CDH9: variants seen among roughly 807,000 people sequenced by gnomAD.
CDH9 encodes the protein cadherin-9.
CDH9 carries 28 observed loss-of-function variants against 70.9 expected under a neutral mutation model. That is an observed-to-expected ratio of 0.40 (90% CI 0.29 to 0.54). The LOEUF (loss-of-function observed/expected upper bound fraction) is 0.54, where lower values mean the gene tolerates loss of function less well. Among genes scored for constraint, CDH9 ranks in the 20% least tolerant of loss-of-function variants. The pLI is 0.59. For missense variants in CDH9, 874 were observed against 984.4 expected, an observed-to-expected ratio of 0.89 and a Z score of 1.50; for synonymous variants, 409 against 343.1, an observed-to-expected ratio of 1.19 and a Z score of -2.12.
chr5:26,914,283 T>G (rs1164194042), intron 3 of CDH9, among the ~76,000 whole-genome samples: 4 of 152,024 alleles, frequency 2.6e-5, no homozygotes, highest in Non-Finnish European at 4.4e-5. Flanking sequence ...AAAATAATCA[T>G]CAATAGGAAA....
chr5:27,010,466 T>A (rs1203415242), intron 1 of CDH9, among the ~76,000 whole-genome samples: 1 of 152,134 alleles, frequency 6.6e-6, no homozygotes, highest in African/African-American at 2.4e-5. Context: ...TTACTTTACA[T>A]CTTGCCAATA....
At chr5:26,971,967 G>A (rs1466999662) in intron 2 of CDH9, among the ~76,000 whole-genome samples, 2 of 152,156 alleles carry the variant, frequency 1.3e-5, no homozygotes, top group Non-Finnish European at 2.9e-5. Flanking sequence ...AACTGGGAAA[G>A]TGAAGTGATT....
intron 9 of CDH9, among the ~76,000 whole-genome samples, chr5:26,886,816 G>T (rs902425363): frequency 6.6e-6 from 1 of 152,118 alleles, no homozygotes; most frequent in African/African-American, 2.4e-5. Context: ...CCAACTATGG[G>T]TTGGGCAGAA....
intron 2 of CDH9, among the ~76,000 whole-genome samples, chr5:26,985,369 AG>A (rs1478780763): frequency 6.6e-6 from 1 of 152,102 alleles, no homozygotes; most frequent in Admixed American, 6.6e-5. Context: ...CAAGAATCTG[AG>A]GGTTGTCAAA....
At chr5:26,948,334 G>A (rs1741788488) in intron 2 of CDH9, among the ~76,000 whole-genome samples, 1 of 152,178 alleles carries the variant, frequency 6.6e-6, no homozygotes, top group Non-Finnish European at 1.5e-5. Context: ...CTGATGGGCC[G>A]AGAGATGAAA....
At chr5:26,918,212 C>T (rs1561194627) in intron 2 of CDH9, among the ~76,000 whole-genome samples, 1 of 152,046 alleles carries the variant, frequency 6.6e-6, no homozygotes, top group African/African-American at 2.4e-5. Context: ...GCATCTGTTT[C>T]CCTCACCTTT....
At chr5:26,890,042 T>A (rs1414903292) in intron 8 of CDH9, 85 bp from the exon 9 acceptor site, 4 of 1,277,016 alleles carry the variant, frequency 3.1e-6, no homozygotes, top group Non-Finnish European at 4.5e-6. Context: ...TAGCAACAGA[T>A]CCTTTTTGTG....
intron 9 of CDH9, 30 bp downstream of exon 9, chr5:26,889,806 T>G: frequency 7.2e-7 from 1 of 1,390,348 alleles, no homozygotes; most frequent in East Asian, 2.3e-5. Flanking sequence ...AGAAAATATA[T>G]TCTTTTAAGT....
At position 26,881,116 on chromosome 5, in the gene CDH9, G is replaced by T. The variant is rs761403610; in HGVS notation, c.*20C>A. The T allele has an allele frequency of 1.3e-6, 2 of 1,573,950 alleles. No individual in the cohort carries two copies. Among genetic ancestry groups the T allele is most frequent in the East Asian group, 2.2e-5 (1 of 44,556 alleles). Reference sequence around the variant, plus strand: ...CATAGACAGTACTTCCACTAATATTGATTAAGTCAAACAATCCTCTTAGTC... The same window carrying T: ...CATAGACAGTACTTCCACTAATATTTATTAAGTCAAACAATCCTCTTAGTC... On this transcript the variant is annotated 3_prime_UTR_variant, in exon 12 of 12. Transcript: ENST00000231021.
intron 2 of CDH9, among the ~76,000 whole-genome samples, chr5:26,965,574 TTAATAATAATAA>T (rs59563835): frequency 6.8e-6 from 1 of 146,734 alleles, no homozygotes; most frequent in Admixed American, 6.8e-5. Flanking sequence ...AGACTCTGTC[TTAATAATAATAA>T]TAATAATAAT....
chr5:27,037,110 T>C (rs1490437407), intron 1 of CDH9, among the ~76,000 whole-genome samples: 1 of 151,956 alleles, frequency 6.6e-6, no homozygotes, highest in Non-Finnish European at 1.5e-5. Flanking sequence ...TTTACAAAAT[T>C]GAGAATCTTG....
At chr5:26,928,895 G>T (rs1215037573) in intron 2 of CDH9, among the ~76,000 whole-genome samples, 1 of 151,626 alleles carries the variant, frequency 6.6e-6, no homozygotes, top group Non-Finnish European at 1.5e-5. Context: ...ACTACTAAAA[G>T]AAAACATTTG....
At chr5:27,016,312 G>T (rs1743045230) in intron 1 of CDH9, among the ~76,000 whole-genome samples, 1 of 151,666 alleles carries the variant, frequency 6.6e-6, no homozygotes, top group South Asian at 2.1e-4. Context: ...GACTGTACTG[G>T]GTTGAGGAGA....
intron 1 of CDH9, among the ~76,000 whole-genome samples, chr5:27,022,485 A>G (rs1743154907): frequency 6.6e-6 from 1 of 152,132 alleles, no homozygotes; most frequent in Non-Finnish European, 1.5e-5. Context: ...TTATAGTTGC[A>G]TAAACATATA....
At chr5:27,023,674 G>A (rs752135146) in intron 1 of CDH9, among the ~76,000 whole-genome samples, 2 of 151,852 alleles carry the variant, frequency 1.3e-5, no homozygotes, top group Non-Finnish European at 2.9e-5. Flanking sequence ...GTAATAATCC[G>A]TAACTATATT....
intron 2 of CDH9, among the ~76,000 whole-genome samples, chr5:26,928,399 T>C (rs1250932804): frequency 1.3e-5 from 2 of 152,038 alleles, no homozygotes; most frequent in Non-Finnish European, 2.9e-5. Flanking sequence ...GGATCAATAT[T>C]GTTAAAATAT....
intron 2 of CDH9, among the ~76,000 whole-genome samples, chr5:26,960,804 T>C (rs1742020724): frequency 1.9e-5 from 1 of 53,296 alleles, no homozygotes. Flanking sequence ...AGTAATTCTA[T>C]CCACACTGAA....
intron 3 of CDH9, among the ~76,000 whole-genome samples, chr5:26,911,018 TAA>T (rs993050876): frequency 2.6e-5 from 4 of 152,208 alleles, no homozygotes; most frequent in African/African-American, 9.6e-5. Context: ...TTGTTAGATA[TAA>T]GTTTATTTTA....
intron 5 of CDH9, among the ~76,000 whole-genome samples, 186 bp from the exon 6 acceptor site, chr5:26,904,010 T>G (rs1740903084): frequency 6.6e-6 from 1 of 151,936 alleles, no homozygotes; most frequent in Non-Finnish European, 1.5e-5. Context: ...AACACTCTCA[T>G]TTAGTAAATG....
Sources: allele counts gnomAD v4.1 joint callset (sites outside exome capture counted in the v4.1 genomes callset), GRCh38; gene constraint gnomAD v4.1.1; transcripts MANE v1.5; gene names NCBI Gene and HGNC (gene_info 2026-07-23, HGNC 2026-07-21).